The following IKBKE variants were observed in gnomAD, a reference collection of about 807,000 sequenced individuals.
IKBKE encodes inhibitor of nuclear factor kappa-B kinase subunit epsilon.
In IKBKE, 45 loss-of-function variants were observed where a neutral mutation model predicts 92.1. The observed-to-expected ratio is 0.49, with a 90% CI of 0.38 to 0.63. The LOEUF (loss-of-function observed/expected upper bound fraction) is 0.63, where lower values mean the gene tolerates loss of function less well. IKBKE is among the 20% of genes least tolerant of loss of function. IKBKE has a pLI of 0.00. For synonymous variants in IKBKE, 374 were observed against 380.3 expected, an observed-to-expected ratio of 0.98 and a Z score of 0.19; for missense variants, 700 against 932.8, an observed-to-expected ratio of 0.75 and a Z score of 3.25.
chr1:206,493,008 G>A lies in IKBKE; in HGVS notation c.1836-15G>A. The A allele has an allele frequency of 6.4e-7, 1 of 1,556,656 alleles. No homozygotes were observed. The highest frequency in any genetic ancestry group is 8.7e-7 in the Non-Finnish European group (1 of 1,148,962). On this transcript the variant is annotated splice_polypyrimidine_tract_variant and intron_variant, in intron 18 of 21. Transcript: ENST00000581977. ...AGTCCTGCTCTAATTCTAAGTCTCTGTGTGTTCTCTTGAGGGTGGTGCACG... is the reference window on the plus strand; with the variant it reads ...AGTCCTGCTCTAATTCTAAGTCTCTATGTGTTCTCTTGAGGGTGGTGCACG...
chr1:206,474,567 T>A (rs2103449953), intron 4 of IKBKE, 96 bp downstream of exon 4: 1 of 1,301,238 alleles, frequency 7.7e-7, no homozygotes, highest in Non-Finnish European at 1.1e-6. Context: ...GGTCCCATGC[T>A]CATCAGCAGG....
Position 206,485,529 on chromosome 1 carries a change from C to T in IKBKE, c.1616+223C>T, listed in dbSNP as rs1269136516. On this transcript the variant is annotated intron_variant, in intron 15 of 21. Transcript: ENST00000581977. The surrounding 1 kb of genome is among the most constrained non-coding windows in gnomAD (Gnocchi z 5.0). ...AAAGGATCTGGGGTCCTGCACCCAT[C>T]TTGGAGTTTGAGGAATGCCTCGGGA... 1.3e-5 allele frequency among the ~76,000 whole-genome samples: 2 copies of T among 152,202 alleles called. No individual in the cohort carries two copies. The highest frequency in any genetic ancestry group is 6.5e-5 in the Admixed American group (1 of 15,282).
intron 16 of IKBKE, among the ~76,000 whole-genome samples, chr1:206,488,500 G>C (rs1477833891): frequency 6.6e-6 from 1 of 152,140 alleles, no homozygotes; most frequent in Non-Finnish European, 1.5e-5. Context: ...GCTGTGGCAG[G>C]GGCAGCCCAT....
At chr1:206,489,007 A>G (rs1322115380) in intron 16 of IKBKE, among the ~76,000 whole-genome samples, 2 of 151,900 alleles carry the variant, frequency 1.3e-5, no homozygotes, top group Non-Finnish European at 2.9e-5. Flanking sequence ...ATAAATATAT[A>G]ACTTATTTCC....
intron 21 of IKBKE, 34 bp from the exon 22 acceptor site, chr1:206,496,078 G>A: frequency 1.2e-6 from 2 of 1,600,404 alleles, no homozygotes; most frequent in Non-Finnish European, 8.6e-7. Context: ...CTCTCCAACA[G>A]GTGGGCACTG....
rs754853183 is a variant in IKBKE at position 206,476,299 on chromosome 1, C to T, written c.477C>T (p.Gly159=). The change falls in exon 6 of 22, where the codon GGC becomes GGT. Residue 159 remains glycine, a synonymous_variant. Coordinates refer to ENST00000581977, the MANE Select transcript of IKBKE (RefSeq NM_014002.4). This position sits in a 1 kb window ranked among gnomAD's most constrained non-coding sequence, Gnocchi z 5.1. ...GQSIYKLTDF[G]AARELDDDEK... The stretch of plus-strand genomic sequence containing the variant: ...GCATCTACAAGCTGACAGACTTCGG[C>T]GCTGCCCGGGAGCTGGATGATGATG... The T allele has an allele frequency of 6.8e-6, 11 of 1,613,928 alleles. No individual in the cohort carries two copies. Among genetic ancestry groups the T allele is most frequent in the African/African-American group, 4.0e-5 (3 of 74,894 alleles).
In IKBKE at chr1:206,492,982, G is replaced by C. The variant is rs137933944; in HGVS notation, c.1836-41G>C. The C allele has an allele frequency of 2.0e-5, 31 of 1,525,884 alleles. No homozygotes were observed. In the East Asian group the frequency reaches 7.6e-4, roughly 37 times the overall value. The allele number at this position is 1,525,884 out of a possible 1,614,324, so 94.5% of individuals were successfully genotyped here. On this transcript the variant is annotated intron_variant, in intron 18 of 21. Transcript: ENST00000581977. ...CTAGGCGAGCCCTGGGGAATGGGCT[G>C]AGTCCTGCTCTAATTCTAAGTCTCT... is the stretch of plus-strand genomic sequence containing the variant.
Position 206,476,391 on chromosome 1 carries a change from C to T in IKBKE, c.540+29C>T. On this transcript the variant is annotated intron_variant, in intron 6 of 21. Coordinates refer to ENST00000581977, the MANE Select transcript of IKBKE (RefSeq NM_014002.4). This position sits in a 1 kb window ranked among gnomAD's most constrained non-coding sequence, Gnocchi z 5.1. ...GGTGAGCTGCTCGAGACCCGCTGCC[C>T]TATGCTGAGGGCTCCCCTTGCCTTG... 10 of 1,579,782 alleles carry T rather than the reference C, an allele frequency of 6.3e-6. No homozygotes were observed. Among genetic ancestry groups the T allele is most frequent in the Non-Finnish European group, 8.6e-6 (10 of 1,159,586 alleles).
chr1:206,491,119 T>C, intron 17 of IKBKE: 1 of 558,416 alleles, frequency 1.8e-6, no homozygotes, highest in Non-Finnish European at 3.2e-6. Flanking sequence ...TTTTTTTCTC[T>C]AGTTGTCCTC....
chr1:206,493,545 T>A (rs1553391301), intron 20 of IKBKE, among the ~76,000 whole-genome samples, 167 bp downstream of exon 20: 1 of 152,158 alleles, frequency 6.6e-6, no homozygotes, highest in African/African-American at 2.4e-5. Flanking sequence ...CCCAGCACTT[T>A]GAGAGGCCAA....
At position 206,476,481 on chromosome 1, in the gene IKBKE, C is replaced by T; in HGVS notation, c.540+119C>T. The T allele has an allele frequency of 8.5e-7, 1 of 1,175,108 alleles. No individual in the cohort carries two copies. Among genetic ancestry groups the T allele is most frequent in the East Asian group, 2.4e-5 (1 of 41,714 alleles). The allele number at this position is 1,175,108 out of a possible 1,614,324, so 72.8% of individuals were successfully genotyped here. A position where few individuals can be genotyped will look rare whatever the true frequency, so the allele number is the denominator to read the frequency against. On this transcript the variant is annotated intron_variant, in intron 6 of 21. Coordinates refer to ENST00000581977, the MANE Select transcript of IKBKE (RefSeq NM_014002.4). This position sits in a 1 kb window ranked among gnomAD's most constrained non-coding sequence, Gnocchi z 5.1. ...TCCTGCTTCCACAGGAGTTATGTCT[C>T]TCCCCTGTACCCCAACCAGAAGAAT...
At position 206,481,110 on chromosome 1, in the gene IKBKE, A is replaced by C. The variant is rs41297618; in HGVS notation, c.1427+577A>C. On this transcript the variant is annotated intron_variant, in intron 13 of 21. Coordinates refer to ENST00000581977, the MANE Select transcript of IKBKE (RefSeq NM_014002.4). The stretch of plus-strand genomic sequence containing the variant: ...AAAAGAGAGAGACCGGGCAGGAGGA[A>C]GCCAAGTGGAAGGGTCTGGAGATGG... Among the ~76,000 whole-genome samples the C allele has an allele frequency of 4.1e-3, 621 of 152,320 alleles. 4 individuals carry two copies. Among genetic ancestry groups the C allele is most frequent in the African/African-American group, 0.014 (596 of 41,560 alleles).
At chr1:206,473,875 C>T (rs12739461) in intron 3 of IKBKE, among the ~76,000 whole-genome samples, 38,210 of 148,460 alleles carry the variant, frequency 0.26, 5,591 homozygotes, top group Non-Finnish European at 0.33. Context: ...GGCAGAGAAT[C>T]GCTTGAACCT....
chr1:206,491,488 C>T (rs1292673030), intron 17 of IKBKE, 160 bp from the exon 18 acceptor site: 2 of 549,018 alleles, frequency 3.6e-6, no homozygotes, highest in Non-Finnish European at 6.8e-6. Context: ...AAGTGTGTGA[C>T]CGTCCTTCCT....
At chr1:206,475,292 C>T (rs1664997147) in intron 5 of IKBKE, among the ~76,000 whole-genome samples, 1 of 152,108 alleles carries the variant, frequency 6.6e-6, no homozygotes, top group South Asian at 2.1e-4. Context: ...ACCTTGATGA[C>T]ATTATGTTAA....
intron 2 of IKBKE, among the ~76,000 whole-genome samples, chr1:206,471,939 T>C (rs1664797827): frequency 6.6e-6 from 1 of 152,242 alleles, no homozygotes; most frequent in Admixed American, 6.5e-5. Context: ...TTTTCTAGTC[T>C]AGCGTTATTT....
chr1:206,492,396 T>C (rs1665993474), intron 18 of IKBKE: 2 of 466,086 alleles, frequency 4.3e-6, no homozygotes, highest in Non-Finnish European at 8.9e-6. Context: ...CCTCACCTTG[T>C]TATGGGGCTG....
chr1:206,479,043 G>T lies in IKBKE; in HGVS notation c.1093G>T (p.Val365Phe), dbSNP rs781784265. ...EGHLCVLEPSVSAQHIAHTTA... is the reference protein window; with the variant it reads ...EGHLCVLEPSFSAQHIAHTTA... ...TCACCTCTGTGTCCTCGAGCCCAGCGTCTCAGCACAGCACATCGCCCACAC... is the reference window on the plus strand; with the variant it reads ...TCACCTCTGTGTCCTCGAGCCCAGCTTCTCAGCACAGCACATCGCCCACAC... The change falls in exon 10 of 22, where the codon GTC becomes TTC. Residue 365 changes from valine to phenylalanine, a missense_variant. Physicochemically the swap from Val to Phe is conservative, Grantham distance 50. Coordinates refer to ENST00000581977, the MANE Select transcript of IKBKE (RefSeq NM_014002.4). The T allele has an allele frequency of 1.2e-6, 2 of 1,613,930 alleles. No individual in the cohort carries two copies. Among genetic ancestry groups the T allele is most frequent in the African/African-American group, 1.3e-5 (1 of 74,978 alleles).
chr1:206,493,029 G>T lies in IKBKE; in HGVS notation c.1842G>T (p.Val614=). ...CTCTGTGTGTTCTCTTGAGGGTGGT[G>T]CACGAGACCAGGAACCACCTGCGCC... ...LVTHGKRMRV[V]HETRNHLRLV... is the part of the protein sequence containing the mutation. The change falls in exon 19 of 22, where the codon GTG becomes GTT. Residue 614 remains valine (V), a synonymous_variant. Coordinates refer to ENST00000581977, the MANE Select transcript of IKBKE (RefSeq NM_014002.4). 6.4e-7 allele frequency: 1 copy of T among 1,568,606 alleles called. No homozygotes were observed. The highest frequency in any genetic ancestry group is 8.7e-7 in the Non-Finnish European group (1 of 1,155,900).
Sources: allele counts gnomAD v4.1 joint callset (sites outside exome capture counted in the v4.1 genomes callset), GRCh38; gene constraint gnomAD v4.1.1; non-coding constraint Gnocchi (gnomAD v3.1); transcripts MANE v1.5; gene names NCBI Gene and HGNC (gene_info 2026-07-23, HGNC 2026-07-21).